APC: variants seen among roughly 807,000 people sequenced by gnomAD.
APC encodes the protein APC regulator of Wnt signaling pathway.
Under a neutral mutation model 247.0 loss-of-function variants are expected in APC, and 72 were observed. The ratio of observed to expected loss-of-function variants is 0.29; its 90% CI spans 0.24 to 0.35. The LOEUF (loss-of-function observed/expected upper bound fraction) is 0.35. APC is among the 10% of genes least tolerant of loss of function. The pLI is 1.00. For synonymous variants in APC, 1,254 were observed against 1,162.5 expected, an observed-to-expected ratio of 1.08 and a Z score of -1.60; for missense variants, 3,400 against 3,360.7, an observed-to-expected ratio of 1.01 and a Z score of -0.29.
At position 112,839,090 on chromosome 5, in the gene APC, TATA is replaced by T. The variant is rs879254285; in HGVS notation, c.3499_3501del (p.Asn1167del). On this transcript the variant is annotated inframe_deletion, in exon 16 of 16. Coordinates refer to ENST00000257430, the MANE Select transcript of APC (RefSeq NM_000038.6). The surrounding 1 kb of genome is among the most constrained non-coding windows in gnomAD (Gnocchi z 5.0). Reference sequence around the variant, plus strand: ...GAGACCAACAAATTATAGCATAAAATATAATGAAGAGAAACGTCATGTGGATCA... The same window carrying T: ...GAGACCAACAAATTATAGCATAAAATATGAAGAGAAACGTCATGTGGATCA... The T allele has an allele frequency of 4.3e-6, 7 of 1,614,090 alleles. No homozygotes were observed. Among genetic ancestry groups the T allele is most frequent in the Non-Finnish European group, 5.1e-6 (6 of 1,179,998 alleles).
In APC at chr5:112,842,261, T is replaced by C. The variant is rs2149970222; in HGVS notation, c.6667T>C (p.Ser2223Pro). Residue 2223 changes from serine (S) to proline (P), a missense_variant, in exon 16 of 16, where the codon TCA becomes CCA. By Grantham distance (74) the Ser-to-Pro change is moderately conservative. Transcript: ENST00000257430. ...MKQPLQANMP[S>P]ISRGRTMIHI... is the part of the protein sequence containing the mutation. ...ACAGCCCCTTCAAGCAAACATGCCT[T>C]CAATCTCTCGAGGCAGGACAATGAT... is the stretch of plus-strand genomic sequence containing the variant. 6.2e-7 allele frequency: 1 copy of C among 1,614,006 alleles called. No individual in the cohort carries two copies. Among genetic ancestry groups the C allele is most frequent in the Non-Finnish European group, 8.5e-7 (1 of 1,179,910 alleles).
intron 9 of APC, among the ~76,000 whole-genome samples, chr5:112,817,250 CATTA>C (rs1378113396): frequency 1.3e-5 from 2 of 152,132 alleles, no homozygotes; most frequent in Admixed American, 6.6e-5. Flanking sequence ...ACTCGAATTC[CATTA>C]ATTGTTTTCA....
intron 15 of APC, among the ~76,000 whole-genome samples, chr5:112,835,879 CATA>C (rs1012565350): frequency 6.6e-6 from 1 of 150,742 alleles, no homozygotes; most frequent in Non-Finnish European, 1.5e-5. Flanking sequence ...GGCCAATAAT[CATA>C]ATATTATTTA....
intron 1 of APC, among the ~76,000 whole-genome samples, chr5:112,750,800 T>TTAC (rs1257147542): frequency 6.6e-6 from 1 of 152,120 alleles, no homozygotes; most frequent in African/African-American, 2.4e-5. Context: ...TTAAATATCT[T>TTAC]TACTTAAAAA....
chr5:112,764,078 T>TA (rs36096224), intron 2 of APC, among the ~76,000 whole-genome samples: 77 of 139,694 alleles, frequency 5.5e-4, no homozygotes, highest in African/African-American at 2.0e-3. Flanking sequence ...TCTACTATAC[T>TA]AAAAAAAAAA....
intron 6 of APC, among the ~76,000 whole-genome samples, chr5:112,788,621 T>C (rs1011217197): frequency 2.6e-5 from 4 of 152,200 alleles, no homozygotes; most frequent in Non-Finnish European, 4.4e-5. Context: ...TATATCTCTC[T>C]ATTCATTTAG....
rs765729481 is a variant in APC, at chr5:112,841,271, A to G, written c.5677A>G (p.Lys1893Glu). Residue 1893 changes from lysine to glutamate, a missense_variant, in exon 16 of 16, where the codon AAA (lysine) becomes GAA (glutamate). Around this residue, in one of 9 missense-constraint regions of APC, gnomAD observed 1,788 missense variants for 1,649.5 expected, o/e 1.08. Coordinates refer to ENST00000257430, the MANE Select transcript of APC (RefSeq NM_000038.6). This position sits in a 1 kb window ranked among gnomAD's most constrained non-coding sequence, Gnocchi z 4.6. ...AAAAGAAAATAAGGAATCAGAGGCT[A>G]AAGTTACCAGCCACACAGAACTAAC... ...KAKENKESEA[K>E]VTSHTELTSN... 10 of 1,613,710 alleles carry G rather than the reference A, an allele frequency of 6.2e-6. No homozygotes were observed. The highest frequency in any genetic ancestry group is 4.0e-5 in the African/African-American group (3 of 74,916).
rs1195583636 is a variant in APC at position 112,838,754 on chromosome 5, C to G, written c.3160C>G (p.His1054Asp). 2 of 1,614,108 alleles carry G rather than the reference C, an allele frequency of 1.2e-6. No individual in the cohort carries two copies. The highest frequency in any genetic ancestry group is 1.7e-6 in the Non-Finnish European group (2 of 1,180,012). The stretch of plus-strand genomic sequence containing the variant: ...GAATGAAAGATGGGCAAGACCCAAA[C>G]ACATAATAGAAGATGAAATAAAACA... ...SQNERWARPK[H>D]IIEDEIKQSE... is the part of the protein sequence containing the mutation. Residue 1054 changes from histidine (H) to aspartate (D), a missense_variant, in exon 16 of 16, where the codon CAC becomes GAC. His to Asp is a moderately conservative substitution (Grantham distance 81). Around this residue, in one of 9 missense-constraint regions of APC, gnomAD observed 715 missense variants for 656.6 expected, o/e 1.09. Coordinates refer to ENST00000257430, the MANE Select transcript of APC (RefSeq NM_000038.6).
At chr5:112,784,351 A>G (rs1322559758) in intron 6 of APC, among the ~76,000 whole-genome samples, 1 of 152,234 alleles carries the variant, frequency 6.6e-6, no homozygotes, top group Non-Finnish European at 1.5e-5. Context: ...TACAGGCATG[A>G]GCCACTGCAC....
rs551285354 is a variant in APC, at chr5:112,741,759, A to G, written c.-19+3834A>G. On this transcript the variant is annotated intron_variant, in intron 1 of 15. Transcript: ENST00000257430. ...CTTCCCTAATTAAAACTCTGTGCAC[A>G]TTAAACACTAACATGCCATTTTCCC... Among the ~76,000 whole-genome samples, 28 of 152,296 alleles carry G rather than the reference A, an allele frequency of 1.8e-4. No homozygotes were observed. In the East Asian group the frequency reaches 4.2e-3, roughly 23 times the overall value.
chr5:112,772,326 T>C (rs1757147151), intron 4 of APC, among the ~76,000 whole-genome samples: 1 of 152,152 alleles, frequency 6.6e-6, no homozygotes, highest in Non-Finnish European at 1.5e-5. Flanking sequence ...CAAGGTCAAC[T>C]ACCATAATTT....
rs545394610 is a variant in APC at position 112,772,136 on chromosome 5, G to C, written c.423-3493G>C. On this transcript the variant is annotated intron_variant, in intron 4 of 15. Coordinates refer to ENST00000257430, the MANE Select transcript of APC (RefSeq NM_000038.6). ...ACAAATGTGCCATGCTCTTCTAGGT[G>C]ACCCCCAGTAAGGTAGAGGACTAAG... 1.3e-3 allele frequency among the ~76,000 whole-genome samples: 203 copies of C among 152,226 alleles called. 1 individual carries two copies. Among genetic ancestry groups the C allele is most frequent in the Non-Finnish European group, 2.4e-3 (163 of 67,990 alleles).
intron 7 of APC, 140 bp from the exon 8 acceptor site, chr5:112,801,139 G>T: frequency 1.6e-6 from 1 of 616,170 alleles, no homozygotes; most frequent in Admixed American, 2.7e-5. Context: ...AGGTTATGAA[G>T]TGTAATACAC....
intron 8 of APC, among the ~76,000 whole-genome samples, chr5:112,808,825 G>A (rs1761690128): frequency 6.6e-6 from 1 of 152,110 alleles, no homozygotes; most frequent in Non-Finnish European, 1.5e-5. Flanking sequence ...GTAGATTTCA[G>A]TATCTGAGAA....
At chr5:112,795,650 A>G (rs1265409751) in intron 7 of APC, among the ~76,000 whole-genome samples, 1 of 152,224 alleles carries the variant, frequency 6.6e-6, no homozygotes, top group East Asian at 1.9e-4. Context: ...AACAAAGACC[A>G]GCTATATTTT....
chr5:112,762,998 A>G (rs894998989), intron 2 of APC, among the ~76,000 whole-genome samples: 3 of 152,342 alleles, frequency 2.0e-5, no homozygotes, highest in African/African-American at 4.8e-5. Flanking sequence ...TCATAACTCA[A>G]AGCACTTACA....
intron 10 of APC, among the ~76,000 whole-genome samples, chr5:112,819,995 C>T (rs1762952498): frequency 6.6e-6 from 1 of 152,118 alleles, no homozygotes; most frequent in Non-Finnish European, 1.5e-5. Context: ...CAGTGGGCCT[C>T]AGTTGCTGGG....
intron 10 of APC, among the ~76,000 whole-genome samples, chr5:112,820,674 A>G (rs778164554): frequency 3.3e-4 from 50 of 152,350 alleles, no homozygotes; most frequent in Non-Finnish European, 6.5e-4. Context: ...ATTAAATAGA[A>G]TAAAATGATA....
rs570514864 is a variant in APC at position 112,827,137 on chromosome 5, C to A, written c.1438C>A (p.Gln480Lys). 2 of 1,613,578 alleles carry A rather than the reference C, an allele frequency of 1.2e-6. No homozygotes were observed. The highest frequency in any genetic ancestry group is 1.7e-6 in the Non-Finnish European group (2 of 1,179,736). The change falls in exon 12 of 16, where the codon CAA (glutamine) becomes AAA (lysine). Residue 480 changes from glutamine (Q) to lysine (K), a missense_variant. Physicochemically the swap from Gln to Lys is moderately conservative, Grantham distance 53 (BLOSUM62 1). Coordinates refer to ENST00000257430, the MANE Select transcript of APC (RefSeq NM_000038.6). ...ACTACAGGCCATTGCAGAATTATTG[C>A]AAGTGGACTGTGAAATGTATGGGCT... is the stretch of plus-strand genomic sequence containing the variant. Reference protein sequence around the residue: ...GGLQAIAELLQVDCEMYGLTN... With the variant: ...GGLQAIAELLKVDCEMYGLTN...
Sources: gnomAD v4.1 joint callset for allele counts (sites outside exome capture counted in the v4.1 genomes callset) on GRCh38, gnomAD v4.1.1 for gene constraint, gnomAD v4.1.1 regional missense constraint, Gnocchi (gnomAD v3.1) non-coding constraint, MANE v1.5 for transcripts, NCBI Gene and HGNC (gene_info 2026-07-23, HGNC 2026-07-21) for gene names.